Variants in RBFOX1 observed in about 807,000 individuals in gnomAD.
RBFOX1 encodes the protein RNA binding fox-1 homolog 1.
RBFOX1 carries 8 observed loss-of-function variants against 57.7 expected under a neutral mutation model. The observed-to-expected ratio is 0.14, with a 90% CI of 0.08 to 0.25. RBFOX1 has a LOEUF of 0.25. Ranked by LOEUF, RBFOX1 falls within the 10% of genes least tolerant of loss-of-function variation. The pLI is 1.00. For missense variants in RBFOX1, 611 were observed against 548.5 expected (o/e 1.11, Z -1.14); for synonymous variants, 326 against 222.4 (o/e 1.47, Z -4.15).
chr16:7,307,292 A>C (rs894258731), intron 4 of RBFOX1, among the ~76,000 whole-genome samples: 3 of 152,186 alleles, frequency 2.0e-5, no homozygotes, highest in Non-Finnish European at 2.9e-5. Context: ...GACTTCATTA[A>C]ATGCTTTCTT....
intron 3 of RBFOX1, among the ~76,000 whole-genome samples, chr16:6,686,715 C>G (rs912078183): frequency 6.6e-6 from 1 of 152,110 alleles, no homozygotes. Flanking sequence ...GTGAGACTAA[C>G]CTTCCCATTA....
chr16:6,841,092 T>A (rs1281321521), intron 3 of RBFOX1, among the ~76,000 whole-genome samples: 1 of 150,858 alleles, frequency 6.6e-6, no homozygotes, highest in African/African-American at 2.4e-5. Flanking sequence ...TTTTAGCACC[T>A]TTTTTTTTCA....
At position 6,552,260 on chromosome 16, in the gene RBFOX1, G is replaced by C. The variant is rs75071587; in HGVS notation, c.-63-102343G>C. Reference sequence around the variant, plus strand: ...GTAATAATGAAAGTATTTGAAGGAGGGCAACCCCTTTTCTTTAAAAGGAAA... The same window carrying C: ...GTAATAATGAAAGTATTTGAAGGAGCGCAACCCCTTTTCTTTAAAAGGAAA... On this transcript the variant is annotated intron_variant, in intron 2 of 15. Coordinates refer to ENST00000550418, the MANE Select transcript of RBFOX1 (RefSeq NM_018723.4). Among the ~76,000 whole-genome samples the C allele has an allele frequency of 4.1e-3, 617 of 152,174 alleles. 1 individual carries two copies. The highest frequency in any genetic ancestry group is 0.014 in the African/African-American group (586 of 41,516).
At chr16:5,341,734 G>C (rs114320563) in intron 1 of RBFOX1, among the ~76,000 whole-genome samples, 14 of 152,194 alleles carry the variant, frequency 9.2e-5, no homozygotes, top group Non-Finnish European at 1.9e-4. Flanking sequence ...GGCCTTGACC[G>C]AGCCAGTGGG....
At chr16:5,837,583 G>A (rs941988998) in intron 3 of RBFOX1, among the ~76,000 whole-genome samples, 1 of 149,636 alleles carries the variant, frequency 6.7e-6, no homozygotes, top group Non-Finnish European at 1.5e-5. Context: ...ACCTCACAGG[G>A]AAAGTCTTGA....
At chr16:7,281,161 C>T (rs2095536190) in intron 4 of RBFOX1, among the ~76,000 whole-genome samples, 1 of 151,864 alleles carries the variant, frequency 6.6e-6, no homozygotes, top group Admixed American at 6.6e-5. Context: ...TGCCACCACA[C>T]CTGGCTAATT....
chr16:6,326,021 A>AGTGT (rs139243361), intron 2 of RBFOX1, among the ~76,000 whole-genome samples: 4 of 151,586 alleles, frequency 2.6e-5, no homozygotes, highest in Non-Finnish European at 4.4e-5. Context: ...TGTGTGCGTG[A>AGTGT]GTGTGTGTGT....
intron 3 of RBFOX1, among the ~76,000 whole-genome samples, chr16:7,011,501 CGTTT>C (rs1399836356): frequency 6.6e-6 from 1 of 151,332 alleles, no homozygotes; most frequent in Non-Finnish European, 1.5e-5. Context: ...TTTTGTTGTG[CGTTT>C]GTTTTGTTTT....
intron 4 of RBFOX1, among the ~76,000 whole-genome samples, chr16:7,138,911 T>A (rs1271153431): frequency 2.0e-5 from 3 of 152,082 alleles, no homozygotes; most frequent in Non-Finnish European, 2.9e-5. Context: ...CGGGTTCAAG[T>A]AATTCTTGTG....
At chr16:5,400,559 T>C (rs2066687095) in intron 1 of RBFOX1, among the ~76,000 whole-genome samples, 1 of 152,172 alleles carries the variant, frequency 6.6e-6, no homozygotes. Flanking sequence ...TTGAACATAT[T>C]CCCTTCTCAT....
In RBFOX1 at chr16:5,292,669, G is replaced by A. The variant is rs552019365; in HGVS notation, c.219+52564G>A. 1.3e-3 allele frequency among the ~76,000 whole-genome samples: 196 copies of A among 152,120 alleles called. 1 individual carries two copies. The highest frequency in any genetic ancestry group is 4.5e-3 in the African/African-American group (185 of 41,498). Reference sequence around the variant, plus strand: ...TTATTTAATCTCTCTCTGTCACCAGGCTGGAGTTCAGTGGCACGATCTCGG... The same window carrying A: ...TTATTTAATCTCTCTCTGTCACCAGACTGGAGTTCAGTGGCACGATCTCGG... On this transcript the variant is annotated intron_variant, in intron 1 of 2. Transcript: ENST00000585867.
At chr16:6,442,788 G>T (rs1446475339) in intron 2 of RBFOX1, among the ~76,000 whole-genome samples, 1 of 152,152 alleles carries the variant, frequency 6.6e-6, no homozygotes, top group Non-Finnish European at 1.5e-5. Context: ...GCCGTCATTG[G>T]TCAAAACATT....
chr16:7,495,563 C>T (rs1374400270), intron 4 of RBFOX1, among the ~76,000 whole-genome samples: 1 of 152,126 alleles, frequency 6.6e-6, no homozygotes, highest in Non-Finnish European at 1.5e-5. Context: ...CACATATTTC[C>T]CTGATGATGA....
chr16:5,726,184 CTTT>C (rs1567453594), intron 3 of RBFOX1, among the ~76,000 whole-genome samples: 1 of 151,728 alleles, frequency 6.6e-6, no homozygotes, highest in Non-Finnish European at 1.5e-5. Flanking sequence ...CTGTAGAGGC[CTTT>C]GCGAATCAAT....
chr16:7,293,281 C>G (rs1172066016), intron 4 of RBFOX1, among the ~76,000 whole-genome samples: 1 of 152,018 alleles, frequency 6.6e-6, no homozygotes, highest in Non-Finnish European at 1.5e-5. Flanking sequence ...TATTAGTAAA[C>G]CTAGAAGATG....
intron 2 of RBFOX1, among the ~76,000 whole-genome samples, chr16:6,489,479 T>C (rs942352645): frequency 1.3e-5 from 2 of 152,168 alleles, no homozygotes; most frequent in African/African-American, 4.8e-5. Flanking sequence ...AGAAGTTGAG[T>C]AATCTGTATG....
At chr16:6,310,823 G>A (rs891785949) in intron 1 of RBFOX1, among the ~76,000 whole-genome samples, 9 of 151,792 alleles carry the variant, frequency 5.9e-5, no homozygotes, top group African/African-American at 1.9e-4. Context: ...TGGGGAACAT[G>A]GCATGATTCA....
chr16:6,211,373 T>TA (rs2097296931), intron 1 of RBFOX1, among the ~76,000 whole-genome samples: 2 of 151,738 alleles, frequency 1.3e-5, no homozygotes, highest in Non-Finnish European at 2.9e-5. Flanking sequence ...AGACTACAGG[T>TA]GCCCACCACC....
At position 6,565,160 on chromosome 16, in the gene RBFOX1, A is replaced by G. The variant is rs941291584; in HGVS notation, c.-63-89443A>G. On this transcript the variant is annotated intron_variant, in intron 2 of 15. Coordinates refer to ENST00000550418, the MANE Select transcript of RBFOX1 (RefSeq NM_018723.4). ...AAAAAAAAAAGCATTTGCAACAGGG[A>G]AGGTAAACTACAGTGATAACAAAAT... Among the ~76,000 whole-genome samples, 3 of 151,412 alleles carry G rather than the reference A, an allele frequency of 2.0e-5. No individual in the cohort carries two copies. In the East Asian group the frequency reaches 5.8e-4, roughly 29 times the overall value.
Sources: gnomAD v4.1 joint callset for allele counts (sites outside exome capture counted in the v4.1 genomes callset) on GRCh38, gnomAD v4.1.1 for gene constraint, MANE v1.5 for transcripts, NCBI Gene and HGNC (gene_info 2026-07-23, HGNC 2026-07-21) for gene names.